The following TXNDC16 variants were observed in gnomAD, a reference collection of about 807,000 sequenced individuals.
TXNDC16 encodes thioredoxin domain containing 16.
In TXNDC16, 74 loss-of-function variants were observed where a neutral mutation model predicts 85.6. That is an observed-to-expected ratio of 0.86 (90% CI 0.72 to 1.05). TXNDC16 has a LOEUF of 1.05. Among genes scored for constraint, TXNDC16 ranks in the 50% least tolerant of loss-of-function variants. TXNDC16 has a pLI of 0.00. For synonymous variants in TXNDC16, 335 were observed against 326.5 expected, an observed-to-expected ratio of 1.03 and a Z score of -0.28; for missense variants, 959 against 947.0, an observed-to-expected ratio of 1.01 and a Z score of -0.17.
chr14:52,543,371 T>C lies in TXNDC16; in HGVS notation c.160+27A>G, dbSNP rs2037874259. 3.8e-6 allele frequency: 6 copies of C among 1,584,422 alleles called. No individual in the cohort carries two copies. The African/African-American group carries it at 8.2e-5, about 22-fold the overall frequency. On this transcript the variant is annotated intron_variant, in intron 3 of 20. Transcript: ENST00000281741. ...AATAGCAATAAAAACATCACAAGAA[T>C]CATATTAGAATTTTAAAAATACTTA...
rs1594746150 is a variant in TXNDC16, at chr14:52,514,870, T to G, written c.605+10A>C. On this transcript the variant is annotated intron_variant, in intron 8 of 20. Coordinates refer to ENST00000281741, the MANE Select transcript of TXNDC16 (RefSeq NM_020784.3). ...CCTTTAAATTGTTGACATATGCTTT[T>G]TATACATACCCAATACTTTCCAAAA... The G allele has an allele frequency of 6.3e-7, 1 of 1,587,286 alleles. No individual in the cohort carries two copies. The highest frequency in any genetic ancestry group is 8.6e-7 in the Non-Finnish European group (1 of 1,167,162).
chr14:52,497,479 C>A (rs189873379), intron 9 of TXNDC16, among the ~76,000 whole-genome samples: 6 of 152,286 alleles, frequency 3.9e-5, no homozygotes, highest in African/African-American at 1.4e-4. Context: ...TTTTATGAGG[C>A]CAGCATTATC....
At chr14:52,496,292 G>A (rs2036531158) in intron 9 of TXNDC16, among the ~76,000 whole-genome samples, 1 of 152,094 alleles carries the variant, frequency 6.6e-6, no homozygotes, top group Non-Finnish European at 1.5e-5. Context: ...ATAGTCACTG[G>A]TCTATAGCAA....
At chr14:52,514,810 A>T (rs1197714100) in intron 8 of TXNDC16, 70 bp downstream of exon 8, 1 of 1,132,592 alleles carries the variant, frequency 8.8e-7, no homozygotes, top group Non-Finnish European at 1.3e-6. Context: ...TGGAAATGCT[A>T]AGTAATGCGA....
Position 52,431,699 on chromosome 14 carries a change from T to TA in TXNDC16, c.*604dup, listed in dbSNP as rs961271616. The TA allele has an allele frequency of 1.3e-5, 2 of 152,270 alleles. No individual in the cohort carries two copies. Among genetic ancestry groups the TA allele is most frequent in the East Asian group, 1.9e-4 (1 of 5,200 alleles). The allele number at this position is 152,270 out of a possible 1,614,324, so 9.4% of individuals were successfully genotyped here. On this transcript the variant is annotated 3_prime_UTR_variant, in exon 21 of 21. Transcript: ENST00000281741. The stretch of plus-strand genomic sequence containing the variant: ...ACTCACTAAATGTCAATAACTGCCC[T>TA]AGTCATGACATCAAAAATGTCTCCC...
At chr14:52,538,537 G>C (rs2037755133) in intron 4 of TXNDC16, among the ~76,000 whole-genome samples, 1 of 152,098 alleles carries the variant, frequency 6.6e-6, no homozygotes, top group African/African-American at 2.4e-5. Flanking sequence ...GAGAAGTAAA[G>C]CCAAAAAGGA....
chr14:52,473,955 G>GT (rs1468226394), intron 14 of TXNDC16, among the ~76,000 whole-genome samples: 2 of 152,118 alleles, frequency 1.3e-5, no homozygotes, highest in African/African-American at 4.8e-5. Flanking sequence ...ACAAAACATT[G>GT]TAATTACCTA....
chr14:52,497,441 CAA>C (rs1225671403), intron 9 of TXNDC16, among the ~76,000 whole-genome samples: 10 of 152,120 alleles, frequency 6.6e-5, no homozygotes, highest in Non-Finnish European at 1.3e-4. Flanking sequence ...TCCAAAAATT[CAA>C]AGAGGTGAGA....
intron 6 of TXNDC16, among the ~76,000 whole-genome samples, chr14:52,520,319 C>T (rs1321829358): frequency 6.6e-6 from 1 of 152,144 alleles, no homozygotes; most frequent in African/African-American, 2.4e-5. Context: ...AAAATTATCC[C>T]TTTTTTAAAG....
intron 10 of TXNDC16, 125 bp from the exon 11 acceptor site, chr14:52,490,576 T>C (rs2036377662): frequency 3.5e-6 from 3 of 847,400 alleles, no homozygotes; most frequent in Admixed American, 3.7e-5. Context: ...TACAATTTAG[T>C]GACTGAAAAA....
chr14:52,542,280 G>T, intron 4 of TXNDC16, 91 bp downstream of exon 4: 1 of 806,842 alleles, frequency 1.2e-6, no homozygotes, highest in South Asian at 1.9e-5. Context: ...AAAAAGATAT[G>T]AAATGGAAGT....
Position 52,452,742 on chromosome 14 carries a change from G to A in TXNDC16, c.1842+2582C>T, listed in dbSNP as rs1431096382. ...TATGAAACTACTACAAGAAAACACT[G>A]GGGAAACTCTACAGGACACTAGACT... On this transcript the variant is annotated intron_variant, in intron 18 of 20. Transcript: ENST00000281741. Among the ~76,000 whole-genome samples the A allele has an allele frequency of 2.6e-5, 4 of 152,082 alleles. 1 individual carries two copies. The East Asian group carries it at 7.7e-4, about 29-fold the overall frequency.
chr14:52,461,901 A>G (rs1476167932), intron 16 of TXNDC16, among the ~76,000 whole-genome samples: 1 of 152,270 alleles, frequency 6.6e-6, no homozygotes, highest in Admixed American at 6.5e-5. Context: ...AGACAAATCA[A>G]GCAAGTGCCA....
intron 14 of TXNDC16, among the ~76,000 whole-genome samples, chr14:52,479,167 A>T (rs991244453): frequency 6.6e-6 from 1 of 152,148 alleles, no homozygotes; most frequent in African/African-American, 2.4e-5. Flanking sequence ...CATACCTCAA[A>T]GTAATAAAAG....
intron 18 of TXNDC16, among the ~76,000 whole-genome samples, chr14:52,445,911 T>A (rs2035272037): frequency 6.6e-6 from 1 of 152,190 alleles, no homozygotes; most frequent in South Asian, 2.1e-4. Flanking sequence ...CCTCGTTAAG[T>A]GATGCATGAC....
chr14:52,462,101 A>G (rs982015799), intron 16 of TXNDC16, among the ~76,000 whole-genome samples: 1 of 152,244 alleles, frequency 6.6e-6, no homozygotes, highest in Non-Finnish European at 1.5e-5. Flanking sequence ...CATAACACAT[A>G]TAGACATAGA....
At chr14:52,467,199 T>C (rs1444922454) in intron 16 of TXNDC16, among the ~76,000 whole-genome samples, 1 of 151,854 alleles carries the variant, frequency 6.6e-6, no homozygotes. Flanking sequence ...AGGATAAACG[T>C]TAACTATTAG....
At chr14:52,464,205 T>G (rs1057348845) in intron 16 of TXNDC16, among the ~76,000 whole-genome samples, 3 of 152,202 alleles carry the variant, frequency 2.0e-5, no homozygotes, top group Admixed American at 6.5e-5. Flanking sequence ...AGGAAAAAGT[T>G]TTCTCTGTGG....
chr14:52,537,607 A>C lies in TXNDC16; in HGVS notation c.309T>G (p.Tyr103Ter). 1.9e-6 allele frequency: 3 copies of C among 1,582,690 alleles called. No individual in the cohort carries two copies. The highest frequency in any genetic ancestry group is 2.6e-6 in the Non-Finnish European group (3 of 1,153,410). Residue 103 changes from tyrosine (Y) to a stop codon, truncating the protein, a stop_gained, in exon 5 of 21, where the codon TAT (tyrosine) becomes TAG (stop). Coordinates refer to ENST00000281741, the MANE Select transcript of TXNDC16 (RefSeq NM_020784.3). LOFTEE classifies it high-confidence loss of function. ...TCAGGAAAATAGCTTACTTGAATAA[A>C]TATGCTTTCATCAAATCCTTTTCTT... is the stretch of plus-strand genomic sequence containing the variant. ...CGKEKDLMKA[Y>*]LFKGNILLRE...
Sources: allele counts gnomAD v4.1 joint callset (sites outside exome capture counted in the v4.1 genomes callset), GRCh38; gene constraint gnomAD v4.1.1; transcripts MANE v1.5; gene names NCBI Gene and HGNC (gene_info 2026-07-23, HGNC 2026-07-21).